The following CTNNA2 variants were observed in gnomAD, a reference collection of about 807,000 sequenced individuals.
CTNNA2 encodes the protein catenin alpha-2.
Under a neutral mutation model 101.0 loss-of-function variants are expected in CTNNA2, and 42 were observed. That is an observed-to-expected ratio of 0.42 (90% CI 0.32 to 0.54). The LOEUF (loss-of-function observed/expected upper bound fraction) is 0.54. Among genes scored for constraint, CTNNA2 ranks in the 20% least tolerant of loss-of-function variants. The probability of loss-of-function intolerance (pLI) is 0.14; values close to 1 mark genes in which losing one functional copy is unlikely to be tolerated. For missense variants in CTNNA2, 871 were observed against 1,223.1 expected, an observed-to-expected ratio of 0.71 and a Z score of 4.29; for synonymous variants, 450 against 456.4, an observed-to-expected ratio of 0.99 and a Z score of 0.18.
chr2:80,022,212 T>C (rs1438040196), intron 7 of CTNNA2, among the ~76,000 whole-genome samples: 1 of 152,220 alleles, frequency 6.6e-6, no homozygotes, highest in Non-Finnish European at 1.5e-5. Context: ...ATTCTTTTGC[T>C]TAGTCATCGT....
At chr2:80,459,828 C>T (rs1684278028) in intron 9 of CTNNA2, among the ~76,000 whole-genome samples, 1 of 152,200 alleles carries the variant, frequency 6.6e-6, no homozygotes, top group Non-Finnish European at 1.5e-5. Flanking sequence ...ACTCAATTCC[C>T]CTGCCAGGGT....
intron 2 of CTNNA2, among the ~76,000 whole-genome samples, chr2:79,699,071 T>C (rs889898203): frequency 4.6e-5 from 7 of 152,100 alleles, no homozygotes; most frequent in Admixed American, 6.6e-5. Context: ...CTCAGTAACT[T>C]GAATAAATTT....
chr2:80,081,129 G>T (rs1318767317), intron 7 of CTNNA2, among the ~76,000 whole-genome samples: 2 of 150,588 alleles, frequency 1.3e-5, no homozygotes, highest in Non-Finnish European at 3.0e-5. Flanking sequence ...GTCGGGTGAG[G>T]AGCAAATGCT....
chr2:80,428,717 G>A (rs1017043047), intron 9 of CTNNA2, among the ~76,000 whole-genome samples: 13 of 152,248 alleles, frequency 8.5e-5, no homozygotes, highest in African/African-American at 3.1e-4. Context: ...CCAGGGCCTT[G>A]TTTCAAACCA....
chr2:80,508,162 C>A lies in CTNNA2; in HGVS notation c.1291-36820C>A, dbSNP rs1208685279. On this transcript the variant is annotated intron_variant, in intron 9 of 18. Transcript: ENST00000402739. ...ATGTGAGACGGGTACTTTCCAGAAG[C>A]TTTCTAAAGAATAAACAAGTGGGGC... 2.0e-5 allele frequency among the ~76,000 whole-genome samples: 3 copies of A among 152,088 alleles called. No individual in the cohort carries two copies. The East Asian group carries it at 5.8e-4, about 29-fold the overall frequency.
intron 9 of CTNNA2, among the ~76,000 whole-genome samples, chr2:80,490,355 A>G (rs1379200146): frequency 7.3e-6 from 1 of 136,418 alleles, no homozygotes; most frequent in Non-Finnish European, 1.5e-5. Flanking sequence ...TCTCTAACAC[A>G]GGTTCTCAAC....
chr2:79,412,165 T>C lies in CTNNA2; in HGVS notation c.-135+38152T>C, dbSNP rs185236849. On this transcript the variant is annotated intron_variant, in intron 4 of 21. Transcript: ENST00000466387. ...GACAAAGAAGGCCATTACAGAATGG[T>C]AAAGGGATGAATTCAACAAGAAGAG... Among the ~76,000 whole-genome samples, 1,378 of 151,958 alleles carry C rather than the reference T, an allele frequency of 9.1e-3. 14 individuals carry two copies. The highest frequency in any genetic ancestry group is 0.034 in the Middle Eastern group (10 of 294).
chr2:80,047,315 G>T (rs139709005), intron 7 of CTNNA2, among the ~76,000 whole-genome samples: 4 of 152,130 alleles, frequency 2.6e-5, no homozygotes, highest in Non-Finnish European at 5.9e-5. Flanking sequence ...TCTGTTGTCC[G>T]TAGTCCAGAA....
In CTNNA2 at chr2:80,508,923, A is replaced by C. The variant is rs73941157; in HGVS notation, c.1291-36059A>C. Among the ~76,000 whole-genome samples, 504 of 152,174 alleles carry C rather than the reference A, an allele frequency of 3.3e-3. 2 individuals are homozygous for C. The highest frequency in any genetic ancestry group is 0.011 in the African/African-American group (461 of 41,530). On this transcript the variant is annotated intron_variant, in intron 9 of 18. Coordinates refer to ENST00000402739, the MANE Select transcript of CTNNA2 (RefSeq NM_001282597.3). Reference sequence around the variant, plus strand: ...TACATGGGTGACACATCCTCATTTTATTCTTCTTCTTTTTCGTTTATTTGA... The same window carrying C: ...TACATGGGTGACACATCCTCATTTTCTTCTTCTTCTTTTTCGTTTATTTGA...
intron 7 of CTNNA2, among the ~76,000 whole-genome samples, chr2:80,344,545 C>G (rs1018606441): frequency 6.6e-6 from 1 of 152,158 alleles, no homozygotes; most frequent in African/African-American, 2.4e-5. Context: ...AGTGCAGTGC[C>G]ATGATCTTGG....
chr2:79,322,100 C>G (rs967167720), intron 3 of CTNNA2, among the ~76,000 whole-genome samples: 1 of 152,164 alleles, frequency 6.6e-6, no homozygotes, highest in African/African-American at 2.4e-5. Context: ...TAATTCAAAA[C>G]TGTAATAAAG....
intron 7 of CTNNA2, among the ~76,000 whole-genome samples, chr2:80,249,613 G>T (rs1671599528): frequency 2.0e-5 from 3 of 152,288 alleles, no homozygotes; most frequent in African/African-American, 2.4e-5. Flanking sequence ...CAGTGGGTTT[G>T]ATAGGTGGCT....
chr2:80,165,343 C>A (rs1352490688), intron 7 of CTNNA2, among the ~76,000 whole-genome samples: 1 of 150,112 alleles, frequency 6.7e-6, no homozygotes, highest in Non-Finnish European at 1.5e-5. Context: ...TCCTCCATCT[C>A]TTCTATTCTG....
At chr2:79,305,665 C>T (rs1676222999) in intron 2 of CTNNA2, among the ~76,000 whole-genome samples, 1 of 152,054 alleles carries the variant, frequency 6.6e-6, no homozygotes, top group Non-Finnish European at 1.5e-5. Flanking sequence ...ATCTCTCTAT[C>T]CACCTGTCAA....
intron 2 of CTNNA2, among the ~76,000 whole-genome samples, chr2:79,738,850 G>T (rs1671084782): frequency 2.0e-5 from 3 of 152,090 alleles, no homozygotes; most frequent in Admixed American, 2.0e-4. Context: ...TTAAAAAATT[G>T]GCAGTGACTA....
chr2:80,475,841 CAG>C (rs1685687185), intron 9 of CTNNA2, among the ~76,000 whole-genome samples: 1 of 151,852 alleles, frequency 6.6e-6, no homozygotes, highest in African/African-American at 2.4e-5. Flanking sequence ...AAAGAAAAAA[CAG>C]AATTTATTAC....
At chr2:80,442,309 G>A (rs944790453) in intron 9 of CTNNA2, among the ~76,000 whole-genome samples, 8 of 152,184 alleles carry the variant, frequency 5.3e-5, no homozygotes, top group African/African-American at 4.8e-5. Context: ...TGCCCAGAAG[G>A]CAGGAGCAAT....
intron 9 of CTNNA2, among the ~76,000 whole-genome samples, chr2:80,496,432 T>G (rs2149525668): frequency 6.6e-6 from 1 of 151,348 alleles, no homozygotes; most frequent in Non-Finnish European, 1.5e-5. Flanking sequence ...AACCTGTAAA[T>G]TATAAACCAA....
At chr2:79,419,868 A>C (rs994545164) in intron 4 of CTNNA2, among the ~76,000 whole-genome samples, 3 of 152,132 alleles carry the variant, frequency 2.0e-5, no homozygotes, top group African/African-American at 7.2e-5. Context: ...TTATTTTTCA[A>C]TTTTGAATAA....
Sources: gnomAD v4.1 joint callset for allele counts (sites outside exome capture counted in the v4.1 genomes callset) on GRCh38, gnomAD v4.1.1 for gene constraint, MANE v1.5 for transcripts, NCBI Gene and HGNC (gene_info 2026-07-23, HGNC 2026-07-21) for gene names.